The following P4HA2 variants were observed in gnomAD, a reference collection of about 807,000 sequenced individuals.
P4HA2 encodes prolyl 4-hydroxylase subunit alpha 2.
A neutral mutation model predicts 76.9 loss-of-function variants in P4HA2; 46 were observed. The ratio of observed to expected loss-of-function variants is 0.60; its 90% CI spans 0.47 to 0.76. The LOEUF is 0.76. Ranked by LOEUF, P4HA2 falls within the 30% of genes least tolerant of loss-of-function variation. P4HA2 has a pLI of 0.00. For synonymous variants in P4HA2, 243 were observed against 254.0 expected, an observed-to-expected ratio of 0.96 and a Z score of 0.41; for missense variants, 583 against 669.4, an observed-to-expected ratio of 0.87 and a Z score of 1.42.
In P4HA2 at chr5:132,214,019, G is replaced by T. The variant is rs201416459; in HGVS notation, c.366C>A (p.Phe122Leu). The T allele has an allele frequency of 3.1e-6, 5 of 1,614,052 alleles. No individual in the cohort carries two copies. Among genetic ancestry groups the T allele is most frequent in the African/African-American group, 1.3e-5 (1 of 75,042 alleles). ...CTATCTCGTCCTCATCAGTGGGGAA[G>T]AACTGCCGCTGCACAGAGAGGTTGG... Reference protein sequence around the residue: ...FIANLSVQRQFFPTDEDEIGA... With the variant: ...FIANLSVQRQLFPTDEDEIGA... The change falls in exon 5 of 15, where the codon TTC (phenylalanine) becomes TTA (leucine). Residue 122 changes from phenylalanine to leucine, a missense_variant. Physicochemically the swap from Phe to Leu is conservative, Grantham distance 22. Coordinates refer to ENST00000360568, the MANE Select transcript of P4HA2 (RefSeq NM_001017974.2).
chr5:132,213,621 T>A (rs1303796259), intron 5 of P4HA2, among the ~76,000 whole-genome samples: 1 of 152,162 alleles, frequency 6.6e-6, no homozygotes, highest in Non-Finnish European at 1.5e-5. Context: ...CAGGTCTGAA[T>A]GCAGATCTGT....
chr5:132,197,837 G>T, intron 12 of P4HA2: 1 of 218,308 alleles, frequency 4.6e-6, no homozygotes, highest in East Asian at 1.8e-4. Context: ...TTCAGTTTTA[G>T]ATGATGAAAA....
intron 1 of P4HA2, among the ~76,000 whole-genome samples, chr5:132,225,600 G>C (rs1017611973): frequency 6.6e-6 from 1 of 152,320 alleles, no homozygotes; most frequent in Middle Eastern, 3.4e-3. Context: ...CTCAGAGTAC[G>C]AGCTACCCAC....
intron 10 of P4HA2, chr5:132,201,279 T>G (rs1751440831): frequency 6.6e-6 from 1 of 152,268 alleles, no homozygotes; most frequent in Non-Finnish European, 1.5e-5. Flanking sequence ...CTCTATCAGA[T>G]AAGCCCTCAT....
intron 1 of P4HA2, among the ~76,000 whole-genome samples, chr5:132,223,742 G>C (rs1754949131): frequency 1.3e-5 from 2 of 152,176 alleles, no homozygotes; most frequent in Admixed American, 1.3e-4. Flanking sequence ...TTCTAAGCTA[G>C]ATAACTACCT....
intron 1 of P4HA2, chr5:132,221,925 C>T (rs1320476629): frequency 6.6e-6 from 1 of 152,212 alleles, no homozygotes; most frequent in Non-Finnish European, 1.5e-5. Flanking sequence ...AATTCCAAGA[C>T]ATACAACCAG....
intron 10 of P4HA2, chr5:132,200,725 G>C (rs1751376645): frequency 6.6e-6 from 1 of 152,160 alleles, no homozygotes; most frequent in Non-Finnish European, 1.5e-5. Context: ...CTGCTGTGCA[G>C]GTACACTCAG....
chr5:132,224,000 A>G (rs1282296624), intron 1 of P4HA2, among the ~76,000 whole-genome samples: 1 of 152,246 alleles, frequency 6.6e-6, no homozygotes, highest in Non-Finnish European at 1.5e-5. Flanking sequence ...GGACTTTATC[A>G]TGGGTTACAC....
intron 8 of P4HA2, among the ~76,000 whole-genome samples, 175 bp downstream of exon 8, chr5:132,207,533 C>A (rs1048499928): frequency 1.5e-4 from 23 of 152,116 alleles, no homozygotes; most frequent in Non-Finnish European, 5.9e-5. Flanking sequence ...TCCACTGGAC[C>A]ATGAACTCAC....
intron 8 of P4HA2, among the ~76,000 whole-genome samples, chr5:132,204,411 C>T (rs996899480): frequency 2.0e-5 from 3 of 152,182 alleles, no homozygotes; most frequent in African/African-American, 4.8e-5. Flanking sequence ...TCCCCAGGTC[C>T]GCTTTGCCTG....
Position 132,195,108 on chromosome 5 carries a change from G to C in P4HA2, c.1435-86C>G, listed in dbSNP as rs556030367. On this transcript the variant is annotated intron_variant, in intron 13 of 14. Coordinates refer to ENST00000360568, the MANE Select transcript of P4HA2 (RefSeq NM_001017974.2). ...GCAAGCATCACAGAAGCTCTGCCCT[G>C]AGCAGAAACACCCTCATTTTCCCAT... The C allele has an allele frequency of 1.2e-4, 107 of 894,416 alleles. 2 individuals carry two copies. The South Asian group carries it at 1.4e-3, about 11-fold the overall frequency. 55.4% of individuals were successfully genotyped at this position (894,416 alleles called of 1,614,324 possible).
chr5:132,207,646 A>T, intron 8 of P4HA2, 62 bp downstream of exon 8: 1 of 1,429,246 alleles, frequency 7.0e-7, no homozygotes, highest in Non-Finnish European at 9.8e-7. Context: ...CCATAGTGCT[A>T]GGGATGAGAA....
At position 132,217,211 on chromosome 5, in the gene P4HA2, TGCAGGACAAGGTCCTCCAGC is replaced by T. The variant is rs756091234; in HGVS notation, c.297_316del (p.Leu100GlyfsTer20). The stretch of plus-strand genomic sequence containing the variant: ...CCGTCCCTCACCTGCAGCTGAGTCC[TGCAGGACAAGGTCCTCCAGC>T]GCAGGCCAGTCTGTGTTTAGCCGCT... On this transcript the variant is annotated frameshift_variant, in exon 4 of 15. Transcript: ENST00000360568. LOFTEE classifies it high-confidence loss of function. 1 of 1,614,190 alleles carries T rather than the reference TGCAGGACAAGGTCCTCCAGC, an allele frequency of 6.2e-7. No homozygotes were observed. Among genetic ancestry groups the T allele is most frequent in the Non-Finnish European group, 8.5e-7 (1 of 1,180,020 alleles).
chr5:132,220,905 C>G (rs1320352667), intron 1 of P4HA2, among the ~76,000 whole-genome samples: 1 of 152,194 alleles, frequency 6.6e-6, no homozygotes, highest in Non-Finnish European at 1.5e-5. Flanking sequence ...ACTCTGCTAG[C>G]CTGGAGAGCT....
In P4HA2 at chr5:132,213,989, A is replaced by G. The variant is rs1753496640; in HGVS notation, c.396T>C (p.Ala132=). Residue 132 remains alanine, a synonymous_variant, in exon 5 of 15, where the codon GCT becomes GCC. Coordinates refer to ENST00000360568, the MANE Select transcript of P4HA2 (RefSeq NM_001017974.2). ...FFPTDEDEIG[A]AKALMRLQDT... ...CCTGAAGTCTCATCAGGGCTTTGGC[A>G]GCTCCTATCTCGTCCTCATCAGTGG... 1.9e-6 allele frequency: 3 copies of G among 1,614,004 alleles called. No individual in the cohort carries two copies. Among genetic ancestry groups the G allele is most frequent in the Non-Finnish European group, 2.5e-6 (3 of 1,179,976 alleles).
At position 132,195,658 on chromosome 5, in the gene P4HA2, C is replaced by T. The variant is rs1230687492; in HGVS notation, c.1366-178G>A. The stretch of plus-strand genomic sequence containing the variant: ...AAGGCTCTTCCCATGCCTACTTAAC[C>T]AGTGTGATTCATTAGAACAGTCTCC... On this transcript the variant is annotated intron_variant, in intron 12 of 14. Transcript: ENST00000360568. 9.5e-6 allele frequency: 6 copies of T among 630,678 alleles called. No individual in the cohort carries two copies. The Middle Eastern group carries it at 1.3e-3, about 137-fold the overall frequency. The allele number at this position is 630,678 out of a possible 1,614,324, so 39.1% of individuals were successfully genotyped here.
At chr5:132,201,879 C>T (rs1751541567) in intron 10 of P4HA2, 1 of 152,284 alleles carries the variant, frequency 6.6e-6, no homozygotes. Flanking sequence ...AGCCACAGGT[C>T]CTGTCTACTC....
At chr5:132,196,850 G>C (rs1464250402) in intron 12 of P4HA2, among the ~76,000 whole-genome samples, 1 of 124,980 alleles carries the variant, frequency 8.0e-6, no homozygotes, top group African/African-American at 3.3e-5. Flanking sequence ...AACAGAGGGA[G>C]AGTCTGTCTC....
At chr5:132,202,942 C>A (rs1751716317) in intron 10 of P4HA2, 1 of 152,238 alleles carries the variant, frequency 6.6e-6, no homozygotes, top group African/African-American at 2.4e-5. Flanking sequence ...CTTGACAGCT[C>A]TGTGACCCAG....
Sources: gnomAD v4.1 joint callset for allele counts (sites outside exome capture counted in the v4.1 genomes callset) on GRCh38, gnomAD v4.1.1 for gene constraint, MANE v1.5 for transcripts, NCBI Gene and HGNC (gene_info 2026-07-23, HGNC 2026-07-21) for gene names.